The following DCUN1D4 variants were observed in gnomAD, a reference collection of about 807,000 sequenced individuals.
DCUN1D4 encodes the protein defective in cullin neddylation 1 domain containing 4.
Under a neutral mutation model 47.9 loss-of-function variants are expected in DCUN1D4, and 22 were observed. The ratio of observed to expected loss-of-function variants is 0.46; its 90% CI spans 0.33 to 0.66. The LOEUF (loss-of-function observed/expected upper bound fraction) is 0.66, where lower values mean the gene tolerates loss of function less well. Ranked by LOEUF, DCUN1D4 falls within the 30% of genes least tolerant of loss-of-function variation. The pLI, the probability that DCUN1D4 is intolerant of heterozygous loss-of-function variation, is 0.02. For missense variants in DCUN1D4, 301 were observed against 340.8 expected, an observed-to-expected ratio of 0.88 and a Z score of 0.92; for synonymous variants, 121 against 112.2, an observed-to-expected ratio of 1.08 and a Z score of -0.50.
intron 5 of DCUN1D4, among the ~76,000 whole-genome samples, chr4:51,881,675 AAAC>A (rs1031922074): frequency 2.6e-5 from 4 of 151,554 alleles, no homozygotes; most frequent in Non-Finnish European, 5.9e-5. Flanking sequence ...AAAAAAAAAA[AAAC>A]AAGAAAAAAA....
intron 3 of DCUN1D4, among the ~76,000 whole-genome samples, chr4:51,866,395 G>C (rs887923458): frequency 8.4e-6 from 1 of 118,632 alleles, no homozygotes; most frequent in Admixed American, 7.4e-5. Context: ...TGATGATGAT[G>C]ATGATGATGA....
At chr4:51,894,335 CA>C (rs1336040565) in intron 7 of DCUN1D4, among the ~76,000 whole-genome samples, 8 of 152,246 alleles carry the variant, frequency 5.3e-5, no homozygotes, top group Middle Eastern at 6.8e-3. Context: ...CTTTGTAGTT[CA>C]AAAATAGTCC....
intron 4 of DCUN1D4, chr4:51,877,491 A>G (rs1186186129): frequency 4.8e-6 from 1 of 209,496 alleles, no homozygotes; most frequent in East Asian, 1.1e-4. Flanking sequence ...AAGGGAGTAT[A>G]TCAAATACCT....
intron 3 of DCUN1D4, among the ~76,000 whole-genome samples, chr4:51,869,183 A>T (rs977293141): frequency 1.3e-5 from 2 of 151,778 alleles, no homozygotes; most frequent in East Asian, 1.9e-4. Flanking sequence ...AAAATAAAAA[A>T]AAATGAGTAG....
chr4:51,913,723 T>C lies in DCUN1D4; in HGVS notation c.*139T>C. Reference sequence around the variant, plus strand: ...CGCAGGGACATGTTGGTGTTTGCTATTGAATTGGCCAGCTCTGCTTGCTGT... The same window carrying C: ...CGCAGGGACATGTTGGTGTTTGCTACTGAATTGGCCAGCTCTGCTTGCTGT... On this transcript the variant is annotated 3_prime_UTR_variant, in exon 11 of 11. Coordinates refer to ENST00000334635, the MANE Select transcript of DCUN1D4 (RefSeq NM_001040402.3). The C allele has an allele frequency of 1.3e-6, 1 of 764,556 alleles. No individual in the cohort carries two copies. The highest frequency in any genetic ancestry group is 2.2e-6 in the Non-Finnish European group (1 of 462,766). The allele number at this position is 764,556 out of a possible 1,614,324, so 47.4% of individuals were successfully genotyped here.
At chr4:51,874,407 T>G (rs1464684379) in intron 4 of DCUN1D4, 22 bp downstream of exon 4, 4 of 1,554,106 alleles carry the variant, frequency 2.6e-6, no homozygotes, top group Non-Finnish European at 2.7e-6. Context: ...AGACAGTAGA[T>G]CAGAATCAGT....
intron 6 of DCUN1D4, among the ~76,000 whole-genome samples, chr4:51,889,544 T>C (rs891406344): frequency 1.3e-5 from 2 of 152,238 alleles, no homozygotes; most frequent in African/African-American, 4.8e-5. Context: ...TTTGGCTCTT[T>C]AGCCATGTTT....
At chr4:51,888,285 C>T (rs556042706) in intron 6 of DCUN1D4, among the ~76,000 whole-genome samples, 2 of 152,234 alleles carry the variant, frequency 1.3e-5, no homozygotes, top group Admixed American at 1.3e-4. Context: ...AGCATTTAGT[C>T]TCAGAGGCAG....
chr4:51,834,675 C>T, the DCUN1D4 span, among the ~76,000 whole-genome samples: 8 of 151,970 alleles, frequency 5.3e-5, no homozygotes, highest in Non-Finnish European at 1.0e-4. Context: ...GGCCTTGTCC[C>T]GAAAATGGGA....
At chr4:51,888,580 A>T (rs1729904646) in intron 6 of DCUN1D4, among the ~76,000 whole-genome samples, 2 of 151,904 alleles carry the variant, frequency 1.3e-5, no homozygotes, top group South Asian at 4.2e-4. Flanking sequence ...GTCTCTATTA[A>T]AAATACAAAA....
At chr4:51,858,526 A>G (rs567065856) in intron 1 of DCUN1D4, among the ~76,000 whole-genome samples, 25 of 152,314 alleles carry the variant, frequency 1.6e-4, no homozygotes, top group Admixed American at 5.2e-4. Flanking sequence ...ATCTGTAACT[A>G]TTGGGTGAGG....
chr4:51,838,329 G>C (rs1721548275), upstream of DCUN1D4, among the ~76,000 whole-genome samples: 1 of 152,062 alleles, frequency 6.6e-6, no homozygotes, highest in South Asian at 2.1e-4. Flanking sequence ...TCTATAAAAG[G>C]AGCCTGAGTG....
intron 1 of DCUN1D4, 141 bp downstream of exon 1, chr4:51,843,408 G>A (rs1721903855): frequency 2.3e-6 from 3 of 1,284,732 alleles, no homozygotes; most frequent in African/African-American, 3.1e-5. Flanking sequence ...TTCCCCTCCC[G>A]GGGCCGGGGC....
rs1301608048 is a variant in DCUN1D4, at chr4:51,916,379, C to G, written c.*2795C>G. On this transcript the variant is annotated 3_prime_UTR_variant, in exon 11 of 11. Coordinates refer to ENST00000334635, the MANE Select transcript of DCUN1D4 (RefSeq NM_001040402.3). ...TCTGGTTTCACAATGGATTTATTTT[C>G]TCTCTCAGTCTCCATTTTAACAGTG... 6.6e-6 allele frequency: 1 copy of G among 152,496 alleles called. No homozygotes were observed. Among genetic ancestry groups the G allele is most frequent in the African/African-American group, 2.4e-5 (1 of 41,414 alleles). The allele number at this position is 152,496 out of a possible 1,614,324, so 9.4% of individuals were successfully genotyped here. A position where few individuals can be genotyped will look rare whatever the true frequency, so the allele number is the denominator to read the frequency against.
At chr4:51,857,648 A>G (rs1724350735) in intron 1 of DCUN1D4, among the ~76,000 whole-genome samples, 1 of 152,192 alleles carries the variant, frequency 6.6e-6, no homozygotes, top group Non-Finnish European at 1.5e-5. Flanking sequence ...CATTCCTGTC[A>G]TTACGTTTGC....
chr4:51,881,978 G>A (rs139069105), intron 5 of DCUN1D4, among the ~76,000 whole-genome samples: 223 of 152,204 alleles, frequency 1.5e-3, no homozygotes, highest in Middle Eastern at 0.014. Context: ...GACCAGCCTG[G>A]GCAATATAGT....
At chr4:51,844,547 G>T in intron 1 of DCUN1D4, 1 of 324,574 alleles carries the variant, frequency 3.1e-6, no homozygotes, top group Non-Finnish European at 4.4e-6. Context: ...GTCCCTGGCA[G>T]TCCGTGGGTT....
chr4:51,883,885 A>G (rs1729069681), intron 5 of DCUN1D4, among the ~76,000 whole-genome samples: 1 of 151,778 alleles, frequency 6.6e-6, no homozygotes, highest in African/African-American at 2.4e-5. Context: ...TTTATTTTCA[A>G]ATGAAACTTT....
At chr4:51,886,331 T>C (rs531764343) in intron 5 of DCUN1D4, among the ~76,000 whole-genome samples, 1 of 152,354 alleles carries the variant, frequency 6.6e-6, no homozygotes, top group East Asian at 1.9e-4. Flanking sequence ...ACAAATGGTA[T>C]ATACCATATT....
Sources: gnomAD v4.1 joint callset for allele counts (sites outside exome capture counted in the v4.1 genomes callset) on GRCh38, gnomAD v4.1.1 for gene constraint, MANE v1.5 for transcripts, NCBI Gene and HGNC (gene_info 2026-07-23, HGNC 2026-07-21) for gene names.